Variants in KCNB2 observed in about 807,000 individuals in gnomAD.
KCNB2 encodes potassium voltage-gated channel subfamily B member 2, also known as delayed rectifier potassium channel protein.
A neutral mutation model predicts 61.5 loss-of-function variants in KCNB2; 15 were observed. That is an observed-to-expected ratio of 0.24 (90% CI 0.16 to 0.38). The LOEUF is 0.38. Among genes scored for constraint, KCNB2 ranks in the 10% least tolerant of loss-of-function variants. KCNB2 has a pLI of 1.00. For synonymous variants in KCNB2, 457 were observed against 446.0 expected (o/e 1.02, Z -0.31); for missense variants, 828 against 1,125.2 (o/e 0.74, Z 3.78).
In KCNB2 at chr8:72,756,132, GTCC is replaced by G. The variant is rs551097271; in HGVS notation, c.580-179802_580-179800del. Among the ~76,000 whole-genome samples the G allele has an allele frequency of 7.2e-5, 11 of 152,294 alleles. No homozygotes were observed. In the South Asian group the frequency reaches 2.1e-3, roughly 29 times the overall value. ...ATTGTAGTGGGAAGGACTCCTTGGG[GTCC>G]GCAGTCAGGAGCAGGCTCTGAAACA... On this transcript the variant is annotated intron_variant, in intron 2 of 2. Transcript: ENST00000523207.
intron 2 of KCNB2, among the ~76,000 whole-genome samples, chr8:72,573,290 A>G (rs796761428): frequency 1.3e-5 from 2 of 152,344 alleles, no homozygotes; most frequent in African/African-American, 2.4e-5. Context: ...GAAGGAAGGC[A>G]TTGGAACAGA....
intron 2 of KCNB2, among the ~76,000 whole-genome samples, chr8:72,702,634 G>A (rs1010928921): frequency 1.3e-5 from 2 of 152,116 alleles, no homozygotes; most frequent in South Asian, 2.1e-4. Context: ...AAGAAATAAT[G>A]TGGAAATATT....
intron 2 of KCNB2, among the ~76,000 whole-genome samples, chr8:72,696,696 G>T (rs533165371): frequency 6.6e-6 from 1 of 152,150 alleles, no homozygotes; most frequent in African/African-American, 2.4e-5. Flanking sequence ...GGATTCTGCT[G>T]TATTATCTAA....
At chr8:72,540,555 C>T (rs1213901528) in intron 1 of KCNB2, among the ~76,000 whole-genome samples, 10 of 151,922 alleles carry the variant, frequency 6.6e-5, no homozygotes, top group African/African-American at 1.2e-4. Context: ...CCTTGTTACT[C>T]CCCAAGTGAT....
chr8:72,599,347 G>A (rs1807252572), intron 2 of KCNB2, among the ~76,000 whole-genome samples: 1 of 152,158 alleles, frequency 6.6e-6, no homozygotes, highest in Admixed American at 6.6e-5. Flanking sequence ...AAGCAATTGG[G>A]AAAGGATTCC....
chr8:72,544,956 G>A (rs887200121), intron 1 of KCNB2, among the ~76,000 whole-genome samples: 1 of 152,170 alleles, frequency 6.6e-6, no homozygotes, highest in South Asian at 2.1e-4. Context: ...TGCTCTGTCA[G>A]TATGCAAAGA....
At chr8:72,842,754 T>C (rs1012755899) in intron 2 of KCNB2, among the ~76,000 whole-genome samples, 1 of 152,250 alleles carries the variant, frequency 6.6e-6, no homozygotes, top group Non-Finnish European at 1.5e-5. Flanking sequence ...CATGGTAGTT[T>C]GTACTTCTGT....
chr8:72,633,855 C>A (rs1183589891), intron 2 of KCNB2, among the ~76,000 whole-genome samples: 2 of 152,092 alleles, frequency 1.3e-5, no homozygotes, highest in Non-Finnish European at 2.9e-5. Flanking sequence ...TATAAACGTA[C>A]CCTGCTAGAG....
intron 2 of KCNB2, among the ~76,000 whole-genome samples, chr8:72,843,736 T>C (rs1477338297): frequency 6.6e-6 from 1 of 152,192 alleles, no homozygotes; most frequent in Admixed American, 6.5e-5. Flanking sequence ...AATGTCTGTT[T>C]TATCAGAGAC....
chr8:72,887,383 A>AT (rs1805823563), intron 2 of KCNB2, among the ~76,000 whole-genome samples: 2 of 152,326 alleles, frequency 1.3e-5, no homozygotes, highest in South Asian at 4.1e-4. Flanking sequence ...CTTTACCAAA[A>AT]TGCATAATAA....
chr8:72,800,611 A>G (rs1386693117), intron 2 of KCNB2, among the ~76,000 whole-genome samples: 1 of 151,958 alleles, frequency 6.6e-6, no homozygotes, highest in Non-Finnish European at 1.5e-5. Flanking sequence ...CCAGAGCTCC[A>G]TAAAAGATTC....
chr8:72,827,143 C>T (rs1349664431), intron 2 of KCNB2, among the ~76,000 whole-genome samples: 3 of 152,048 alleles, frequency 2.0e-5, no homozygotes, highest in Non-Finnish European at 2.9e-5. Flanking sequence ...GAGAGATTGA[C>T]CTTCATATGA....
Position 72,860,616 on chromosome 8 carries a change from AT to A in KCNB2, c.580-75316del, listed in dbSNP as rs547808067. ...CTCACATCTATAAAGCTGCAGCTCC[AT>A]TTGAATGGAGAAGGAGCATCTCATA... On this transcript the variant is annotated intron_variant, in intron 2 of 2. Transcript: ENST00000523207. 2.6e-5 allele frequency among the ~76,000 whole-genome samples: 4 copies of A among 152,196 alleles called. No individual in the cohort carries two copies. The South Asian group carries it at 8.3e-4, about 32-fold the overall frequency.
intron 2 of KCNB2, among the ~76,000 whole-genome samples, chr8:72,804,947 T>A (rs1054000685): frequency 3.3e-5 from 5 of 152,188 alleles, no homozygotes; most frequent in Non-Finnish European, 7.3e-5. Flanking sequence ...TTTGAGTAGA[T>A]GTTGCAATGA....
chr8:72,608,183 A>G (rs143130851), intron 2 of KCNB2, among the ~76,000 whole-genome samples: 2 of 152,140 alleles, frequency 1.3e-5, no homozygotes, highest in South Asian at 4.1e-4. Flanking sequence ...CCCTTGGAGA[A>G]GGAGTCTGCT....
At chr8:72,689,389 G>A (rs2128989892) in intron 2 of KCNB2, among the ~76,000 whole-genome samples, 1 of 152,236 alleles carries the variant, frequency 6.6e-6, no homozygotes, top group African/African-American at 2.4e-5. Context: ...ATTTAACATT[G>A]AACTTTATTG....
At chr8:72,559,950 T>C (rs538671408) in intron 1 of KCNB2, among the ~76,000 whole-genome samples, 67 of 152,206 alleles carry the variant, frequency 4.4e-4, no homozygotes, top group African/African-American at 1.5e-3. Flanking sequence ...AATAAAGAAA[T>C]TGGACCAGAT....
intron 2 of KCNB2, among the ~76,000 whole-genome samples, chr8:72,674,277 T>A (rs1806614455): frequency 6.6e-6 from 1 of 152,240 alleles, no homozygotes; most frequent in Non-Finnish European, 1.5e-5. Flanking sequence ...GTATTAAACA[T>A]CTTGGAGTTC....
chr8:72,849,802 C>T (rs1042076867), intron 2 of KCNB2, among the ~76,000 whole-genome samples: 6 of 152,172 alleles, frequency 3.9e-5, no homozygotes, highest in Non-Finnish European at 8.8e-5. Flanking sequence ...ATTATCATTG[C>T]TCTGAAACAT....
Sources: gnomAD v4.1 joint callset for allele counts (sites outside exome capture counted in the v4.1 genomes callset) on GRCh38, gnomAD v4.1.1 for gene constraint, MANE v1.5 for transcripts, NCBI Gene and HGNC (gene_info 2026-07-23, HGNC 2026-07-21) for gene names.